Variants in KLF7 observed in about 807,000 individuals in gnomAD.
KLF7 encodes the protein KLF transcription factor 7.
In KLF7, 2 loss-of-function variants were observed where a neutral mutation model predicts 27.3. The ratio of observed to expected loss-of-function variants is 0.07; its 90% CI spans 0.03 to 0.23. KLF7 has a LOEUF of 0.23. Among genes scored for constraint, KLF7 ranks in the 10% least tolerant of loss-of-function variants. The pLI is 1.00. For synonymous variants in KLF7, 165 were observed against 162.4 expected (o/e 1.02, Z -0.12); for missense variants, 221 against 394.1 (o/e 0.56, Z 3.72).
intron 1 of KLF7, among the ~76,000 whole-genome samples, chr2:207,151,273 T>C (rs13417291): frequency 0.01 from 1,554 of 152,238 alleles, 23 homozygotes; most frequent in African/African-American, 0.036. Context: ...CCATGCCTTG[T>C]GTTAACATGT....
chr2:207,160,128 A>G (rs1001955010), intron 1 of KLF7, among the ~76,000 whole-genome samples: 1 of 152,224 alleles, frequency 6.6e-6, no homozygotes, highest in African/African-American at 2.4e-5. Flanking sequence ...ATAATTAGAC[A>G]CTATAATTTG....
intron 1 of KLF7, among the ~76,000 whole-genome samples, chr2:207,143,111 CA>C (rs2077990545): frequency 6.6e-6 from 1 of 152,170 alleles, no homozygotes; most frequent in East Asian, 1.9e-4. Context: ...ACAACAAAAA[CA>C]TAACAAATCA....
intron 1 of KLF7, among the ~76,000 whole-genome samples, chr2:207,135,327 A>G (rs1016047174): frequency 6.7e-6 from 1 of 148,282 alleles, no homozygotes; most frequent in South Asian, 2.2e-4. Flanking sequence ...AAAAAAAAAA[A>G]GGGTTTGGAG....
chr2:207,152,791 A>C (rs970141174), intron 1 of KLF7, among the ~76,000 whole-genome samples: 1 of 152,200 alleles, frequency 6.6e-6, no homozygotes, highest in Non-Finnish European at 1.5e-5. Flanking sequence ...CTTGTCCCCA[A>C]ATCAGAACAT....
intron 1 of KLF7, among the ~76,000 whole-genome samples, chr2:207,135,828 AAAATT>A (rs1345677714): frequency 1.3e-5 from 2 of 152,162 alleles, no homozygotes; most frequent in African/African-American, 4.8e-5. Flanking sequence ...GGAAAAAAAA[AAAATT>A]AAATGCTTAC....
At chr2:207,107,420 T>C (rs2076908897) in intron 2 of KLF7, among the ~76,000 whole-genome samples, 1 of 152,198 alleles carries the variant, frequency 6.6e-6, no homozygotes, top group African/African-American at 2.4e-5. Flanking sequence ...CCTACCAATC[T>C]GATGATCTTC....
rs760977404 is a variant in KLF7 at position 207,123,934 on chromosome 2, C to T, written c.573G>A (p.Ala191=). Residue 191 remains alanine, a synonymous_variant, in exon 2 of 4, where the codon GCG becomes GCA. Transcript: ENST00000309446. ...VATAAAAVTA[A]GAVKSGQSDS... ...CGCTCTGTCCACTCTTAACGGCCCC[C>T]GCAGCCGTCACGGCTGCTGCAGCTG... is the stretch of plus-strand genomic sequence containing the variant. 13 of 1,614,132 alleles carry T rather than the reference C, an allele frequency of 8.1e-6. No homozygotes were observed. Among genetic ancestry groups the T allele is most frequent in the East Asian group, 4.5e-5 (2 of 44,876 alleles).
chr2:207,173,844 C>T, the KLF7 span: 1 of 152,140 alleles, frequency 6.6e-6, no homozygotes, highest in Non-Finnish European at 1.5e-5. Flanking sequence ...AGCAAAAGTT[C>T]ACTGTCAAGA....
intron 1 of KLF7, 59 bp from the exon 2 acceptor site, chr2:207,124,463 C>T (rs1209432698): frequency 2.6e-5 from 39 of 1,479,958 alleles, no homozygotes; most frequent in East Asian, 2.3e-5. Context: ...CACCATGAGG[C>T]CACACGTTGA....
intron 1 of KLF7, chr2:207,133,960 T>C: frequency 1.3e-6 from 1 of 781,100 alleles, no homozygotes; most frequent in Non-Finnish European, 2.0e-6. Flanking sequence ...CAAGGCATTA[T>C]TAATCCTGTT....
chr2:207,086,001 A>AC (rs2076379821), intron 3 of KLF7, among the ~76,000 whole-genome samples: 1 of 151,522 alleles, frequency 6.6e-6, no homozygotes, highest in East Asian at 1.9e-4. Flanking sequence ...AAAAAAAAAA[A>AC]ACCAAACCAA....
At chr2:207,168,697 A>G (rs996402881), upstream of KLF7, among the ~76,000 whole-genome samples, 2 of 152,238 alleles carry the variant, frequency 1.3e-5, no homozygotes, top group African/African-American at 4.8e-5. Context: ...AAACCTCATT[A>G]TGGTCTTTGC....
chr2:207,095,173 G>A (rs1456343530), intron 2 of KLF7, among the ~76,000 whole-genome samples: 3 of 149,680 alleles, frequency 2.0e-5, no homozygotes, highest in Non-Finnish European at 4.4e-5. Flanking sequence ...CCCAAGTACC[G>A]AGTAGCTGGG....
chr2:207,166,182 C>T, upstream of KLF7: 1 of 985,990 alleles, frequency 1.0e-6, no homozygotes, highest in Non-Finnish European at 1.2e-6. Context: ...CATTAGGCCG[C>T]GTGTGACCAT....
chr2:207,129,263 G>A (rs372593301), intron 1 of KLF7, among the ~76,000 whole-genome samples: 5 of 152,174 alleles, frequency 3.3e-5, no homozygotes, highest in South Asian at 4.1e-4. Context: ...CGGAGTCAGC[G>A]AATGTCAGTT....
chr2:207,167,624 C>T (rs1011224006), upstream of KLF7, among the ~76,000 whole-genome samples: 2 of 152,188 alleles, frequency 1.3e-5, no homozygotes, highest in South Asian at 2.1e-4. Flanking sequence ...ATTCTGTTGG[C>T]CAGATTCATA....
chr2:207,081,208 G>A lies in KLF7; in HGVS notation c.*5C>T. 6.2e-7 allele frequency: 1 copy of A among 1,613,880 alleles called. No individual in the cohort carries two copies. Among genetic ancestry groups the A allele is most frequent in the Non-Finnish European group, 8.5e-7 (1 of 1,179,764 alleles). ...ATGCCATGGCAACTCTGGCCTTTCG[G>A]TTTTTTAGATATGTCTCTTCATGTG... On this transcript the variant is annotated 3_prime_UTR_variant, in exon 4 of 4. Transcript: ENST00000309446.
intron 1 of KLF7, among the ~76,000 whole-genome samples, chr2:207,159,080 G>A (rs545136096): frequency 5.3e-5 from 8 of 152,184 alleles, no homozygotes; most frequent in Admixed American, 5.2e-4. Flanking sequence ...TATGTTCCTC[G>A]CTTTGGTACA....
chr2:207,155,055 T>C (rs926489171), intron 1 of KLF7, among the ~76,000 whole-genome samples: 1 of 152,196 alleles, frequency 6.6e-6, no homozygotes, highest in Non-Finnish European at 1.5e-5. Context: ...CAATTAAGAG[T>C]GCTGGGCCCT....
Sources: allele counts gnomAD v4.1 joint callset (sites outside exome capture counted in the v4.1 genomes callset), GRCh38; gene constraint gnomAD v4.1.1; transcripts MANE v1.5; gene names NCBI Gene and HGNC (gene_info 2026-07-23, HGNC 2026-07-21).